Variants in FILIP1 observed in about 807,000 individuals in gnomAD.
The protein encoded by FILIP1 is filamin A interacting protein 1, also known as filamin-A-interacting protein 1.
FILIP1 carries 61 observed loss-of-function variants against 102.1 expected under a neutral mutation model. The observed-to-expected ratio is 0.60, with a 90% CI of 0.49 to 0.74. FILIP1 has a LOEUF of 0.74. FILIP1 is among the 30% of genes least tolerant of loss of function. FILIP1 has a pLI of 0.00. For missense variants in FILIP1, 1,314 were observed against 1,441.2 expected, an observed-to-expected ratio of 0.91 and a Z score of 1.43; for synonymous variants, 491 against 526.9, an observed-to-expected ratio of 0.93 and a Z score of 0.93.
At chr6:75,393,231 C>T (rs1776341387) in intron 2 of FILIP1, among the ~76,000 whole-genome samples, 2 of 151,996 alleles carry the variant, frequency 1.3e-5, no homozygotes, top group Non-Finnish European at 1.5e-5. Flanking sequence ...TCTTTAAGTA[C>T]ATAGAGATGG....
At chr6:75,308,926 G>C in intron 5 of FILIP1, 29 bp from the exon 6 acceptor site, 1 of 1,609,560 alleles carries the variant, frequency 6.2e-7, no homozygotes, top group Non-Finnish European at 8.5e-7. Context: ...GTAGATACAA[G>C]GGAGATGTTG....
At chr6:75,465,406 A>G in intron 1 of FILIP1, 2 of 590,488 alleles carry the variant, frequency 3.4e-6, no homozygotes, top group East Asian at 3.4e-5. Flanking sequence ...TGGAGTTACT[A>G]GCTCCAATGA....
chr6:75,469,917 A>G (rs1288895046), intron 1 of FILIP1, among the ~76,000 whole-genome samples: 1 of 152,092 alleles, frequency 6.6e-6, no homozygotes, highest in Admixed American at 6.6e-5. Context: ...AACTAAGAAC[A>G]AAAAGAAACT....
chr6:75,423,443 T>C (rs753011810), intron 1 of FILIP1, among the ~76,000 whole-genome samples: 4 of 151,984 alleles, frequency 2.6e-5, no homozygotes, highest in Non-Finnish European at 4.4e-5. Context: ...CAGAAGAAGC[T>C]CCAAAGCACT....
chr6:75,313,932 G>A lies in FILIP1; in HGVS notation c.1900C>T (p.Leu634Phe), dbSNP rs771358999. 5 of 1,612,740 alleles carry A rather than the reference G, an allele frequency of 3.1e-6. No individual in the cohort carries two copies. Among genetic ancestry groups the A allele is most frequent in the Non-Finnish European group, 4.2e-6 (5 of 1,179,598 alleles). The change falls in exon 5 of 6, where the codon CTT becomes TTT. Residue 634 changes from leucine to phenylalanine, a missense_variant. This residue lies in a region of FILIP1 where 816 missense variants were observed against 913.1 expected (regional missense o/e 0.89). Transcript: ENST00000237172. This position sits in a 1 kb window ranked among gnomAD's most constrained non-coding sequence, Gnocchi z 4.2. ...PEDNKIKELT[L>F]EIERLKKRLQ... ...CGTTTCTTCAGTCTCTCAATTTCAA[G>A]TGTTAGTTCCTTAATCTTATTATCT...
chr6:75,294,811 G>T (rs531479135), exon 7 of FILIP1: 1 of 145,620 alleles, frequency 6.9e-6, no homozygotes, highest in African/African-American at 2.5e-5. Flanking sequence ...TCCCACCTCA[G>T]ACTCCCAAGT....
intron 1 of FILIP1, among the ~76,000 whole-genome samples, chr6:75,459,527 C>T (rs550554808): frequency 2.6e-5 from 4 of 152,110 alleles, no homozygotes; most frequent in Non-Finnish European, 4.4e-5. Flanking sequence ...CGCTATCATC[C>T]GATCATTACA....
intron 4 of FILIP1, among the ~76,000 whole-genome samples, chr6:75,329,636 T>A (rs1219446164): frequency 6.6e-6 from 1 of 152,126 alleles, no homozygotes; most frequent in Non-Finnish European, 1.5e-5. Context: ...CAAGCTTACA[T>A]GTAGTTTGAA....
intron 6 of FILIP1, among the ~76,000 whole-genome samples, chr6:75,303,024 G>A (rs1772885990): frequency 6.6e-6 from 1 of 152,166 alleles, no homozygotes; most frequent in African/African-American, 2.4e-5. Flanking sequence ...GGGAAATGGA[G>A]AGGAGGAGTC....
chr6:75,468,590 T>G (rs888441972), intron 1 of FILIP1, among the ~76,000 whole-genome samples: 1 of 152,202 alleles, frequency 6.6e-6, no homozygotes, highest in Non-Finnish European at 1.5e-5. Flanking sequence ...TAAAAAGTGA[T>G]GAACAGATAT....
At chr6:75,356,535 C>T (rs1046619980) in intron 3 of FILIP1, among the ~76,000 whole-genome samples, 8 of 150,958 alleles carry the variant, frequency 5.3e-5, no homozygotes, top group Non-Finnish European at 1.2e-4. Context: ...ATGGCACGAT[C>T]TTGGCTCACT....
intron 1 of FILIP1, among the ~76,000 whole-genome samples, chr6:75,451,337 T>C (rs981874514): frequency 1.3e-5 from 2 of 150,422 alleles, no homozygotes; most frequent in Non-Finnish European, 3.0e-5. Context: ...TCAGTAATTA[T>C]AGTAGAAACA....
At chr6:75,483,517 T>C (rs1380579187) in intron 1 of FILIP1, among the ~76,000 whole-genome samples, 1 of 152,118 alleles carries the variant, frequency 6.6e-6, no homozygotes, top group Non-Finnish European at 1.5e-5. Context: ...CATAAAATAT[T>C]ATATTGGTCC....
At chr6:75,307,130 G>A (rs1056712648), downstream of FILIP1, among the ~76,000 whole-genome samples, 2 of 152,032 alleles carry the variant, frequency 1.3e-5, no homozygotes, top group Non-Finnish European at 2.9e-5. Flanking sequence ...ATAATGCCGA[G>A]AACTGATGAG....
chr6:75,414,031 TCA>T (rs1226261373), intron 2 of FILIP1, among the ~76,000 whole-genome samples: 1 of 150,278 alleles, frequency 6.7e-6, no homozygotes, highest in Admixed American at 6.7e-5. Flanking sequence ...CTTCTGGGCC[TCA>T]GATTCTTCAT....
intron 2 of FILIP1, among the ~76,000 whole-genome samples, chr6:75,395,422 G>C (rs1385575894): frequency 6.6e-6 from 1 of 152,130 alleles, no homozygotes; most frequent in Admixed American, 6.5e-5. Flanking sequence ...TGGGATTACA[G>C]GCACCCGCAA....
intron 3 of FILIP1, among the ~76,000 whole-genome samples, chr6:75,356,982 GC>G (rs1775025016): frequency 6.6e-6 from 1 of 152,010 alleles, no homozygotes; most frequent in Non-Finnish European, 1.5e-5. Flanking sequence ...CAGTCTTCCT[GC>G]TTTATCATAA....
At chr6:75,293,164 T>C (rs947754878) in exon 7 of FILIP1, 2 of 152,200 alleles carry the variant, frequency 1.3e-5, no homozygotes, top group Admixed American at 1.3e-4. Flanking sequence ...AGTTCAATTG[T>C]ACCTTGAACT....
Position 75,414,898 on chromosome 6 carries a change from G to T in FILIP1, c.75C>A (p.Gly25=). Residue 25 remains glycine (G), a synonymous_variant, in exon 2 of 6, where the codon GGC becomes GGA. Transcript: ENST00000237172. Reference sequence around the variant, plus strand: ...CTGAGAGACTTTTTTCACCAGCATTGCCGATGATGGAGGGCTTGGGACAGG... The same window carrying T: ...CTGAGAGACTTTTTTCACCAGCATTTCCGATGATGGAGGGCTTGGGACAGG... ...HISCPKPSII[G]NAGEKSLSED... is the part of the protein sequence containing the mutation. 1 of 1,613,648 alleles carries T rather than the reference G, an allele frequency of 6.2e-7. No homozygotes were observed.
Sources: gnomAD v4.1 joint callset for allele counts (sites outside exome capture counted in the v4.1 genomes callset) on GRCh38, gnomAD v4.1.1 for gene constraint, gnomAD v4.1.1 regional missense constraint, Gnocchi (gnomAD v3.1) non-coding constraint, MANE v1.5 for transcripts, NCBI Gene and HGNC (gene_info 2026-07-23, HGNC 2026-07-21) for gene names.